Variants in CACNA1F observed in about 807,000 individuals in gnomAD.
CACNA1F encodes the protein voltage-dependent L-type calcium channel subunit alpha-1F.
In CACNA1F, 59 loss-of-function variants were observed where a neutral mutation model predicts 143.8. The ratio of observed to expected loss-of-function variants is 0.41; its 90% CI spans 0.33 to 0.51. The LOEUF (loss-of-function observed/expected upper bound fraction) is 0.51, where lower values mean the gene tolerates loss of function less well. Ranked by LOEUF, CACNA1F falls within the 20% of genes least tolerant of loss-of-function variation. The pLI, the probability that CACNA1F is intolerant of heterozygous loss-of-function variation, is 0.22. For synonymous variants in CACNA1F, 643 were observed against 649.1 expected (o/e 0.99, Z 0.14); for missense variants, 1,411 against 1,647.5 (o/e 0.86, Z 2.48).
chrX:49,209,519 G>A, intron 41 of CACNA1F, 110 bp downstream of exon 41: 1 of 1,135,009 alleles, frequency 8.8e-7, no homozygotes, highest in Non-Finnish European at 1.2e-6. Flanking sequence ...GAGGCCTGGG[G>A]CCTCAGTTTC....
intron 36 of CACNA1F, 110 bp downstream of exon 36, chrX:49,211,212 A>T: frequency 9.1e-7 from 1 of 1,102,216 alleles, no homozygotes; most frequent in South Asian, 1.9e-5. Flanking sequence ...TTGTCATCAG[A>T]CCAGCCCTCT....
In CACNA1F at chrX:49,208,674, A is replaced by G. The variant is rs1431590707; in HGVS notation, c.4964T>C (p.Val1655Ala). ...KDLETNKATM[V>A]SQPSARRGSG... ...GCCCCGGCGAGCTGAGGGCTGGGAGACCATCGTGGCCTGTGGAGAGTCACA... is the reference window on the plus strand; with the variant it reads ...GCCCCGGCGAGCTGAGGGCTGGGAGGCCATCGTGGCCTGTGGAGAGTCACA... The change falls in exon 43 of 48, where the codon GTC becomes GCC. Residue 1655 changes from valine (V) to alanine (A), a missense_variant. Val to Ala is a moderately conservative substitution (Grantham distance 64). Around this residue, in one of 3 missense-constraint regions of CACNA1F, gnomAD observed 349 missense variants for 350.2 expected, o/e 1.00. Transcript: ENST00000323022. 2.5e-6 allele frequency: 3 copies of G among 1,208,825 alleles called. No homozygotes were observed. The highest frequency in any genetic ancestry group is 2.2e-5 in the Admixed American group (1 of 45,707).
chrX:49,233,179 T>C, intron 1 of CACNA1F, 106 bp downstream of exon 1: 1 of 825,121 alleles, frequency 1.2e-6, no homozygotes, highest in South Asian at 2.1e-5. Context: ...GATGTGGTTC[T>C]TGTCCCCTAG....
In CACNA1F at chrX:49,231,294, G is replaced by A. The variant is rs267606472; in HGVS notation, c.289C>T (p.Leu97Phe). ...TTGGCAAAGATGGTCAGCAGGATGAGGATGTCGAAGGGCCTCAGGTGGACA... is the reference window on the plus strand; with the variant it reads ...TTGGCAAAGATGGTCAGCAGGATGAAGATGTCGAAGGGCCTCAGGTGGACA... ...SIVEWKPFDI[L>F]ILLTIFANCV... The change falls in exon 3 of 48, where the codon CTC becomes TTC. Residue 97 changes from leucine (L) to phenylalanine (F), a missense_variant. Leu to Phe is a conservative substitution (Grantham distance 22). Transcript: ENST00000323022. The A allele has an allele frequency of 1.7e-6, 2 of 1,154,182 alleles. No individual in the cohort carries two copies. Among genetic ancestry groups the A allele is most frequent in the Non-Finnish European group, 2.3e-6 (2 of 860,668 alleles).
chrX:49,231,848 C>T lies in CACNA1F; in HGVS notation c.105G>A (p.Val35=). Residue 35 remains valine, a synonymous_variant, in exon 2 of 48, where the codon GTG becomes GTA. Coordinates refer to ENST00000323022, the MANE Select transcript of CACNA1F (RefSeq NM_001256789.3). The stretch of plus-strand genomic sequence containing the variant: ...CTGATGCCCCACTGCTTTCACCTTC[C>T]ACAGCTGGGGGCCCGGGGCACAGCC... ...EWGLCPGPPA[V]EGESSGASGL... is the part of the protein sequence containing the mutation. 2.5e-6 allele frequency: 3 copies of T among 1,193,381 alleles called. No homozygotes were observed. The highest frequency in any genetic ancestry group is 3.4e-6 in the Non-Finnish European group (3 of 885,785).
rs2065752871 is a variant in CACNA1F at position 49,219,414 on chromosome X, A to G, written c.2580T>C (p.His860=). ...ACACCAGGATAAGATTGGTGAAGAC[A>G]TGATGGTGGATGAGGGTGTGGCAGC... ...RKGCHTLIHH[H]VFTNLILVFI... The change falls in exon 21 of 48, where the codon CAT becomes CAC. Residue 860 remains histidine, a synonymous_variant. Transcript: ENST00000323022. 8.3e-7 allele frequency: 1 copy of G among 1,208,672 alleles called. No homozygotes were observed. Among genetic ancestry groups the G allele is most frequent in the Non-Finnish European group, 1.1e-6 (1 of 893,920 alleles).
At position 49,211,028 on chromosome X, in the gene CACNA1F, A is replaced by G. The variant is rs2065652776; in HGVS notation, c.4325T>C (p.Ile1442Thr). 1 of 1,206,910 alleles carries G rather than the reference A, an allele frequency of 8.3e-7. No individual in the cohort carries two copies. Among genetic ancestry groups the G allele is most frequent in the Non-Finnish European group, 1.1e-6 (1 of 891,551 alleles). The change falls in exon 37 of 48, where the codon ATC becomes ACC. Residue 1442 changes from isoleucine (I) to threonine (T), a missense_variant. Ile to Thr is a moderately conservative substitution (Grantham distance 89). This residue lies in a region of CACNA1F where 112 missense variants were observed against 169.2 expected (regional missense o/e 0.66). Coordinates refer to ENST00000323022, the MANE Select transcript of CACNA1F (RefSeq NM_001256789.3). The part of the protein sequence containing the change: ...NFDYLTRDWS[I>T]LGPHHLDEFK... Reference sequence around the variant, plus strand: ...TTCATCAAGGTGATGGGGGCCCAGGATGGACCAATCTCTGGTGAGATAATC... The same window carrying G: ...TTCATCAAGGTGATGGGGGCCCAGGGTGGACCAATCTCTGGTGAGATAATC...
chrX:49,219,533 A>G (rs2065754426), intron 20 of CACNA1F, 83 bp from the exon 21 acceptor site: 1 of 1,178,168 alleles, frequency 8.5e-7, no homozygotes, highest in African/African-American at 1.8e-5. Flanking sequence ...TCTGGCCCTG[A>G]CACAACACCC....
intron 13 of CACNA1F, among the ~76,000 whole-genome samples, chrX:49,225,345 A>G (rs1420129822): frequency 5.4e-5 from 6 of 111,443 alleles, no homozygotes; most frequent in South Asian, 3.8e-4. Flanking sequence ...TGAGATTATA[A>G]TGAATAATAG....
chrX:49,219,728 C>G lies in CACNA1F; in HGVS notation c.2449G>C (p.Gly817Arg), dbSNP rs1557108406. ...EEEEEEEEGA[G>R]GVELLQEVVP... ...ACTTCCTGCAGGAGTTCCACACCCC[C>G]TGCACCCTCTTCCTCTTCTTCCTCT... Residue 817 changes from glycine (G) to arginine (R), a missense_variant, in exon 20 of 48, where the codon GGG becomes CGG. Gly to Arg is a moderately radical substitution (Grantham distance 125, BLOSUM62 -2). Coordinates refer to ENST00000323022, the MANE Select transcript of CACNA1F (RefSeq NM_001256789.3). 8.4e-7 allele frequency: 1 copy of G among 1,187,968 alleles called. No individual in the cohort carries two copies. The highest frequency in any genetic ancestry group is 1.8e-5 in the South Asian group (1 of 54,159).
chrX:49,213,017 A>T, intron 31 of CACNA1F, 23 bp from the exon 32 acceptor site: 1 of 1,187,214 alleles, frequency 8.4e-7, no homozygotes, highest in Non-Finnish European at 1.1e-6. Flanking sequence ...ATGGCCAAGA[A>T]AAAGGTGATA....
chrX:49,208,419 T>TCCCCCCCCCCCCC, intron 43 of CACNA1F, 96 bp downstream of exon 43: 5 of 176,001 alleles, frequency 2.8e-5, no homozygotes, highest in South Asian at 4.2e-5. Flanking sequence ...AGGCCCTCCC[T>TCCCCCCCCCCCCC]CCCACCCCCC....
intron 43 of CACNA1F, among the ~76,000 whole-genome samples, 192 bp from the exon 44 acceptor site, chrX:49,207,304 C>T (rs2065608298): frequency 8.9e-6 from 1 of 111,903 alleles, no homozygotes. Context: ...AATAGATGTT[C>T]ATCTAATTAG....
chrX:49,222,476 A>C, intron 17 of CACNA1F, 46 bp downstream of exon 17: 12 of 1,045,345 alleles, frequency 1.1e-5, no homozygotes, highest in Non-Finnish European at 1.6e-5. Context: ...GTTCCCAGTC[A>C]GGGATCCCAG....
chrX:49,210,341 G>C lies in CACNA1F; in HGVS notation c.4548C>G (p.Leu1516=). 1 of 1,208,959 alleles carries C rather than the reference G, an allele frequency of 8.3e-7. No individual in the cohort carries two copies. The highest frequency in any genetic ancestry group is 1.1e-6 in the Non-Finnish European group (1 of 892,719). Reference sequence around the variant, plus strand: ...TCAGGGATGTCCGGACCAGGGCAAAGAGTGTGGCGTTGAATGTCACCGTCC... The same window carrying C: ...TCAGGGATGTCCGGACCAGGGCAAACAGTGTGGCGTTGAATGTCACCGTCC... The part of the protein sequence containing the change: ...SDGTVTFNAT[L]FALVRTSLKI... The change falls in exon 39 of 48, where the codon CTC becomes CTG. Residue 1516 remains leucine (L), a synonymous_variant. Coordinates refer to ENST00000323022, the MANE Select transcript of CACNA1F (RefSeq NM_001256789.3).
At position 49,212,297 on chromosome X, in the gene CACNA1F, A is replaced by G; in HGVS notation, c.3954T>C (p.Tyr1318=). Residue 1318 remains tyrosine, a synonymous_variant, in exon 34 of 48, where the codon TAT becomes TAC. Transcript: ENST00000323022. Reference sequence around the variant, plus strand: ...ATATCATTGCGATGAGAAGAGCCACATAGGGCAAGGCCTATAGGGATGGGG... The same window carrying G: ...ATATCATTGCGATGAGAAGAGCCACGTAGGGCAAGGCCTATAGGGATGGGG... ...TFIKSFQALP[Y]VALLIAMIFF... is the part of the protein sequence containing the mutation. 8.3e-7 allele frequency: 1 copy of G among 1,203,813 alleles called. No homozygotes were observed. Among genetic ancestry groups the G allele is most frequent in the Non-Finnish European group, 1.1e-6 (1 of 888,349 alleles).
At chrX:49,208,185 G>A (rs1557105337) in intron 43 of CACNA1F, among the ~76,000 whole-genome samples, 2 of 90,750 alleles carry the variant, frequency 2.2e-5, no homozygotes, top group Admixed American at 1.2e-4. Flanking sequence ...GAGACAGAGC[G>A]GGACTCTGTC....
intron 37 of CACNA1F, 32 bp downstream of exon 37, chrX:49,210,933 C>T (rs782114165): frequency 2.7e-5 from 32 of 1,192,003 alleles, no homozygotes; most frequent in Middle Eastern, 2.8e-4. Flanking sequence ...ACATTGTCCC[C>T]TGGATTCTAG....
intron 43 of CACNA1F, 106 bp downstream of exon 43, chrX:49,208,409 A>T: frequency 6.5e-6 from 3 of 461,605 alleles, no homozygotes; most frequent in East Asian, 4.4e-5. Context: ...GAAGGCCTCT[A>T]GGCCCTCCCT....
Sources: gnomAD v4.1 joint callset for allele counts (sites outside exome capture counted in the v4.1 genomes callset) on GRCh38, gnomAD v4.1.1 for gene constraint, gnomAD v4.1.1 regional missense constraint, MANE v1.5 for transcripts, NCBI Gene and HGNC (gene_info 2026-07-23, HGNC 2026-07-21) for gene names.